HLTF: variants seen among roughly 807,000 people sequenced by gnomAD.
HLTF encodes the protein DNA-dependent ATPase/E3 ubiquitin-protein ligase HLTF.
HLTF carries 127 observed loss-of-function variants against 129.4 expected under a neutral mutation model. That is an observed-to-expected ratio of 0.98 (90% CI 0.85 to 1.14). The LOEUF (loss-of-function observed/expected upper bound fraction) is 1.14, where lower values mean the gene tolerates loss of function less well. Ranked by LOEUF, HLTF falls within the 50% of genes most tolerant of loss-of-function variation. HLTF has a pLI of 0.00. For synonymous variants in HLTF, 332 were observed against 388.8 expected (o/e 0.85, Z 1.72); for missense variants, 1,139 against 1,187.1 (o/e 0.96, Z 0.60).
chr3:149,041,151 G>T (rs1258439918), intron 20 of HLTF, among the ~76,000 whole-genome samples: 3 of 152,024 alleles, frequency 2.0e-5, no homozygotes, highest in African/African-American at 7.2e-5. Flanking sequence ...GATATATTGG[G>T]TTAAATACAA....
intron 1 of HLTF, among the ~76,000 whole-genome samples, chr3:149,085,722 C>T (rs551911880): frequency 6.6e-6 from 1 of 152,300 alleles, no homozygotes; most frequent in Non-Finnish European, 1.5e-5. Flanking sequence ...CCTTCCGTCG[C>T]CGGTTTAAGC....
chr3:149,064,719 T>C (rs973054790), intron 9 of HLTF, 72 bp downstream of exon 9: 11 of 978,536 alleles, frequency 1.1e-5, no homozygotes, highest in Non-Finnish European at 1.8e-5. Context: ...AAAACGCAAA[T>C]CAAATATTGG....
At position 149,077,294 on chromosome 3, in the gene HLTF, AAAT is replaced by A. The variant is rs1000777626; in HGVS notation, c.229-1250_229-1248del. Among the ~76,000 whole-genome samples, 36 of 148,858 alleles carry A rather than the reference AAAT, an allele frequency of 2.4e-4. No individual in the cohort carries two copies. In the Middle Eastern group the frequency reaches 0.021, roughly 86 times the overall value. On this transcript the variant is annotated intron_variant, in intron 2 of 24. Transcript: ENST00000310053. Reference sequence around the variant, plus strand: ...AATAAATAAATAAATAAATAAATAAAAATAATAGCTTGTTGGGATCCTAGGTAA... The same window carrying A: ...AATAAATAAATAAATAAATAAATAAAAATAGCTTGTTGGGATCCTAGGTAA...
intron 10 of HLTF, among the ~76,000 whole-genome samples, chr3:149,062,450 T>C (rs1029881617): frequency 1.4e-4 from 21 of 152,364 alleles, no homozygotes; most frequent in African/African-American, 4.8e-4. Flanking sequence ...ACAATTAACA[T>C]AGCCAGTTTC....
chr3:149,040,528 T>C (rs1354488596), intron 20 of HLTF, among the ~76,000 whole-genome samples: 4 of 152,094 alleles, frequency 2.6e-5, no homozygotes, highest in African/African-American at 7.2e-5. Context: ...TCCATCTTAA[T>C]GGCTTATAAA....
chr3:149,043,037 T>C (rs1168597682), intron 18 of HLTF, among the ~76,000 whole-genome samples: 2 of 150,310 alleles, frequency 1.3e-5, no homozygotes, highest in African/African-American at 4.9e-5. Flanking sequence ...ACAGAGCAAA[T>C]AAAAATTATG....
At chr3:149,046,015 C>T in intron 18 of HLTF, 65 bp downstream of exon 18, 1 of 1,146,598 alleles carries the variant, frequency 8.7e-7, no homozygotes, top group Non-Finnish European at 1.3e-6. Flanking sequence ...TAAATAATGT[C>T]ATTCAGTGAA....
chr3:149,039,129 T>C lies in HLTF; in HGVS notation c.2716A>G (p.Thr906Ala), dbSNP rs751898526. The change falls in exon 23 of 25, where the codon ACT (threonine) becomes GCT (alanine). Residue 906 changes from threonine (T) to alanine (A), a missense_variant. Thr to Ala is a moderately conservative substitution (Grantham distance 58). Coordinates refer to ENST00000310053, the MANE Select transcript of HLTF (RefSeq NM_003071.4). The part of the protein sequence containing the change: ...CFQNTEAGSP[T>A]IMLLSLKAGG... The stretch of plus-strand genomic sequence containing the variant: ...GCTTTTAAGGACAGAAGCATTATAG[T>C]TGGAGATCCTGCTTCAGTGTTTTGA... 16 of 1,612,594 alleles carry C rather than the reference T, an allele frequency of 9.9e-6. No individual in the cohort carries two copies. The highest frequency in any genetic ancestry group is 3.3e-5 in the South Asian group (3 of 90,812).
Position 149,039,621 on chromosome 3 carries a change from G to C in HLTF, c.2575C>G (p.Gln859Glu). The change falls in exon 22 of 25, where the codon CAG (glutamine) becomes GAG (glutamate). Residue 859 changes from glutamine to glutamate, a missense_variant. By Grantham distance (29) the Gln-to-Glu change is conservative. Transcript: ENST00000310053. ...NPNIKSLVVSQFTTFLSLIEI... is the reference protein window; with the variant it reads ...NPNIKSLVVSEFTTFLSLIEI... ...ATTAAAGACAGGAATGTTGTAAACT[G>C]AGAAACAACCAAACTTTTTATGTTG... is the stretch of plus-strand genomic sequence containing the variant. 6.2e-7 allele frequency: 1 copy of C among 1,604,926 alleles called. No individual in the cohort carries two copies. The highest frequency in any genetic ancestry group is 8.5e-7 in the Non-Finnish European group (1 of 1,174,604).
At position 149,032,342 on chromosome 3, in the gene HLTF, T is replaced by A; in HGVS notation, c.2908A>T (p.Met970Leu). 6.3e-7 allele frequency: 1 copy of A among 1,583,132 alleles called. No individual in the cohort carries two copies. The highest frequency in any genetic ancestry group is 8.6e-7 in the Non-Finnish European group (1 of 1,165,316). ...CTCTTTTTGTTTTGTATTTTCAGCA[T>A]ATTTTCTTCAACAGAGTCCTTTACA... ...FIVKDSVEEN[M>L]LKIQNKKREL... Residue 970 changes from methionine (M) to leucine (L), a missense_variant, in exon 25 of 25, where the codon ATG (methionine) becomes TTG (leucine). Met to Leu is a conservative substitution (Grantham distance 15). Transcript: ENST00000310053.
intron 14 of HLTF, among the ~76,000 whole-genome samples, chr3:149,052,889 G>C (rs917352870): frequency 6.6e-6 from 1 of 152,158 alleles, no homozygotes; most frequent in Admixed American, 6.5e-5. Context: ...GGAGAATAAA[G>C]GGAGAGAACT....
chr3:149,075,323 C>A (rs972788811), intron 3 of HLTF, among the ~76,000 whole-genome samples: 1 of 152,106 alleles, frequency 6.6e-6, no homozygotes, highest in Admixed American at 6.5e-5. Flanking sequence ...CCGAGGCGGG[C>A]AGATCACCTG....
Position 149,084,665 on chromosome 3 carries a change from T to C in HLTF, c.228+17A>G. On this transcript the variant is annotated intron_variant, in intron 2 of 24. Transcript: ENST00000310053. ...CAGAAATATAATCAAAATTTAATTA[T>C]CTACTATTATACTCACTACTCCCGT... 1 of 1,526,344 alleles carries C rather than the reference T, an allele frequency of 6.6e-7. No homozygotes were observed. The highest frequency in any genetic ancestry group is 9.0e-7 in the Non-Finnish European group (1 of 1,112,626). The allele number at this position is 1,526,344 out of a possible 1,614,324, so 94.6% of individuals were successfully genotyped here. A position where few individuals can be genotyped will look rare whatever the true frequency, so the allele number is the denominator to read the frequency against.
rs1327197733 is a variant in HLTF at position 149,031,660 on chromosome 3, A to C, written c.*560T>G. ...AGTCATTTATGTGAACTATATCTCA[A>C]TGTAGCTGTAGGAAAAATAAAAACC... On this transcript the variant is annotated 3_prime_UTR_variant, in exon 25 of 25. Transcript: ENST00000310053. 6.6e-6 allele frequency: 1 copy of C among 152,194 alleles called. No homozygotes were observed. Among genetic ancestry groups the C allele is most frequent in the African/African-American group, 2.4e-5 (1 of 41,450 alleles). 9.4% of individuals were successfully genotyped at this position (152,194 alleles called of 1,614,324 possible).
chr3:149,054,896 C>A (rs990710084), intron 14 of HLTF, among the ~76,000 whole-genome samples: 7 of 152,078 alleles, frequency 4.6e-5, no homozygotes, highest in Non-Finnish European at 8.8e-5. Flanking sequence ...TAAGGACAAA[C>A]CAAATAAACA....
At chr3:149,055,268 ATTATG>A in intron 14 of HLTF, 30 bp downstream of exon 14, 2 of 1,400,336 alleles carry the variant, frequency 1.4e-6, no homozygotes, top group Non-Finnish European at 2.0e-6. Flanking sequence ...TAAAATATAA[ATTATG>A]TTACATTTTT....
At chr3:149,068,165 T>C in intron 8 of HLTF, 75 bp downstream of exon 8, 1 of 641,220 alleles carries the variant, frequency 1.6e-6, no homozygotes. Flanking sequence ...CTTGGTAGTT[T>C]TTTTTAATGA....
At chr3:149,062,698 TC>T (rs1292388789) in intron 10 of HLTF, among the ~76,000 whole-genome samples, 9 of 152,224 alleles carry the variant, frequency 5.9e-5, no homozygotes, top group Non-Finnish European at 1.2e-4. Flanking sequence ...ATGTCTTATT[TC>T]CACTACATGT....
intron 10 of HLTF, among the ~76,000 whole-genome samples, chr3:149,061,328 G>A (rs1008563176): frequency 6.6e-6 from 1 of 151,198 alleles, no homozygotes; most frequent in Admixed American, 6.6e-5. Context: ...GGAGAATGAC[G>A]TGAAGCCAGG....
Sources: gnomAD v4.1 joint callset for allele counts (sites outside exome capture counted in the v4.1 genomes callset) on GRCh38, gnomAD v4.1.1 for gene constraint, MANE v1.5 for transcripts, NCBI Gene and HGNC (gene_info 2026-07-23, HGNC 2026-07-21) for gene names.